The following CNTNAP2 variants were observed in gnomAD, a reference collection of about 807,000 sequenced individuals.
CNTNAP2 encodes contactin associated protein 2.
In CNTNAP2, 98 loss-of-function variants were observed where a neutral mutation model predicts 155.2. The observed-to-expected ratio is 0.63, with a 90% confidence interval of 0.54 to 0.75. CNTNAP2 has a LOEUF of 0.75. Among genes scored for constraint, CNTNAP2 ranks in the 30% least tolerant of loss-of-function variants. The pLI is 0.00. For synonymous variants in CNTNAP2, 651 were observed against 631.2 expected (o/e 1.03, Z -0.47); for missense variants, 1,727 against 1,688.1 (o/e 1.02, Z -0.40).
At chr7:146,640,470 A>C (rs1799686293) in intron 1 of CNTNAP2, among the ~76,000 whole-genome samples, 1 of 152,194 alleles carries the variant, frequency 6.6e-6, no homozygotes, top group Non-Finnish European at 1.5e-5. Context: ...CATTAAAGAT[A>C]TGTCAATTCT....
At chr7:147,310,999 A>G (rs1795114754) in intron 9 of CNTNAP2, among the ~76,000 whole-genome samples, 1 of 152,194 alleles carries the variant, frequency 6.6e-6, no homozygotes, top group Admixed American at 6.5e-5. Flanking sequence ...AAAACAGGCT[A>G]GAGTGATCAG....
Position 146,550,401 on chromosome 7 carries a change from G to GTTTTTTTTTTTT in CNTNAP2, c.98-223853_98-223842dup, listed in dbSNP as rs10673467. ...TTATAGCAGTGAGGTCCATTAATCT[G>GTTTTTTTTTTTT]TTTTTTTTTTTTTTTTTTTTTTTTT... is the stretch of plus-strand genomic sequence containing the variant. On this transcript the variant is annotated intron_variant, in intron 1 of 23. Coordinates refer to ENST00000361727, the MANE Select transcript of CNTNAP2 (RefSeq NM_014141.6). Among the ~76,000 whole-genome samples the GTTTTTTTTTTTT allele has an allele frequency of 3.8e-3, 204 of 54,374 alleles. 57 individuals carry two copies. The highest frequency in any genetic ancestry group is 0.013 in the African/African-American group (188 of 14,074). The allele number at this position is 54,374 out of a possible 152,430, so 35.7% of individuals were successfully genotyped here.
intron 9 of CNTNAP2, among the ~76,000 whole-genome samples, chr7:147,367,852 C>A (rs182974115): frequency 6.6e-6 from 1 of 151,624 alleles, no homozygotes; most frequent in Non-Finnish European, 1.5e-5. Context: ...TGGTTAATGC[C>A]ATGGACCATT....
chr7:147,189,214 T>A (rs1446971080), intron 8 of CNTNAP2, among the ~76,000 whole-genome samples: 2 of 152,228 alleles, frequency 1.3e-5, no homozygotes. Flanking sequence ...CAAAATTTTA[T>A]ATTATAAAAC....
chr7:147,447,228 C>T (rs1485277645), intron 10 of CNTNAP2, among the ~76,000 whole-genome samples: 2 of 152,134 alleles, frequency 1.3e-5, no homozygotes, highest in African/African-American at 2.4e-5. Context: ...GCGTAAATAG[C>T]TTCCACCTGC....
chr7:148,269,607 A>C (rs1796738653), intron 21 of CNTNAP2, among the ~76,000 whole-genome samples: 1 of 152,244 alleles, frequency 6.6e-6, no homozygotes, highest in Admixed American at 6.5e-5. Flanking sequence ...AATACTGGCA[A>C]AGCAGAGTTT....
chr7:148,078,894 C>A (rs1158262556), intron 15 of CNTNAP2, among the ~76,000 whole-genome samples: 5 of 152,160 alleles, frequency 3.3e-5, no homozygotes, highest in African/African-American at 1.2e-4. Flanking sequence ...TACTTTCTCT[C>A]AAATTTGTTA....
At chr7:146,891,844 A>G (rs1795784321) in intron 3 of CNTNAP2, among the ~76,000 whole-genome samples, 1 of 152,156 alleles carries the variant, frequency 6.6e-6, no homozygotes, top group African/African-American at 2.4e-5. Context: ...AAGAAATGGT[A>G]TCCATTTTTT....
intron 14 of CNTNAP2, among the ~76,000 whole-genome samples, chr7:147,952,676 T>C (rs1292495749): frequency 6.6e-6 from 1 of 152,094 alleles, no homozygotes; most frequent in African/African-American, 2.4e-5. Flanking sequence ...TCATCTCATG[T>C]TGATGAAGTA....
intron 1 of CNTNAP2, among the ~76,000 whole-genome samples, chr7:146,581,471 A>G (rs994419994): frequency 2.0e-5 from 3 of 152,152 alleles, no homozygotes; most frequent in Admixed American, 1.3e-4. Flanking sequence ...TTGAAATTTT[A>G]TGAAAACAAT....
chr7:146,395,425 C>T (rs761569265), intron 1 of CNTNAP2, among the ~76,000 whole-genome samples: 8 of 151,086 alleles, frequency 5.3e-5, no homozygotes, highest in Non-Finnish European at 8.8e-5. Flanking sequence ...GTACACATTA[C>T]ATGCTCAACA....
intron 8 of CNTNAP2, among the ~76,000 whole-genome samples, chr7:147,295,448 A>G (rs1805419703): frequency 6.6e-6 from 1 of 152,198 alleles, no homozygotes; most frequent in African/African-American, 2.4e-5. Flanking sequence ...GTTACCATCT[A>G]TAGGATGCTT....
intron 3 of CNTNAP2, among the ~76,000 whole-genome samples, chr7:147,036,410 A>G (rs1046526671): frequency 6.6e-6 from 1 of 152,220 alleles, no homozygotes; most frequent in Non-Finnish European, 1.5e-5. Flanking sequence ...AATATGTTAA[A>G]AAAGTTCTAA....
At chr7:146,512,261 GTA>G (rs1563114020) in intron 1 of CNTNAP2, among the ~76,000 whole-genome samples, 2 of 150,344 alleles carry the variant, frequency 1.3e-5, no homozygotes, top group Non-Finnish European at 3.0e-5. Context: ...TTGATCTTTT[GTA>G]TGTTTTTAGT....
intron 9 of CNTNAP2, among the ~76,000 whole-genome samples, chr7:147,309,407 T>G (rs1795084223): frequency 6.6e-6 from 1 of 152,230 alleles, no homozygotes; most frequent in South Asian, 2.1e-4. Context: ...TTGTTAATGG[T>G]TAATTTAATT....
intron 21 of CNTNAP2, among the ~76,000 whole-genome samples, chr7:148,330,106 A>AGATGAAGTGGATG (rs1797959145): frequency 7.8e-5 from 2 of 25,740 alleles, no homozygotes; most frequent in South Asian, 1.3e-3. Context: ...ATGGATGGAT[A>AGATGAAGTGGATG]GATGGAGTGG....
chr7:148,066,906 C>A (rs187103410), intron 15 of CNTNAP2, among the ~76,000 whole-genome samples: 5 of 152,048 alleles, frequency 3.3e-5, no homozygotes, highest in Admixed American at 1.3e-4. Context: ...AACTTTCCAG[C>A]GTATTTTTCA....
intron 8 of CNTNAP2, among the ~76,000 whole-genome samples, chr7:147,140,716 C>T (rs1056318426): frequency 6.6e-6 from 1 of 152,068 alleles, no homozygotes; most frequent in Non-Finnish European, 1.5e-5. Flanking sequence ...TTGAGCACAG[C>T]TTGTCAGCTA....
chr7:148,103,020 G>A (rs1051590146), intron 15 of CNTNAP2, among the ~76,000 whole-genome samples: 3 of 152,212 alleles, frequency 2.0e-5, no homozygotes, highest in African/African-American at 4.8e-5. Flanking sequence ...AGGACAACTC[G>A]AAATGGGGAG....
Sources: gnomAD v4.1 joint callset for allele counts (sites outside exome capture counted in the v4.1 genomes callset) on GRCh38, gnomAD v4.1.1 for gene constraint, MANE v1.5 for transcripts, NCBI Gene and HGNC (gene_info 2026-07-23, HGNC 2026-07-21) for gene names.